The following KIAA1614 variants were observed in gnomAD, a reference collection of about 807,000 sequenced individuals.
KIAA1614 encodes the protein KIAA1614, also known as uncharacterized protein KIAA1614.
A neutral mutation model predicts 88.7 loss-of-function variants in KIAA1614; 76 were observed. The observed-to-expected ratio is 0.86, with a 90% CI of 0.71 to 1.04. The LOEUF is 1.04. Among genes scored for constraint, KIAA1614 ranks in the 50% least tolerant of loss-of-function variants. The pLI, the probability that KIAA1614 is intolerant of heterozygous loss-of-function variation, is 0.00. For synonymous variants in KIAA1614, 714 were observed against 675.5 expected, an observed-to-expected ratio of 1.06 and a Z score of -0.88; for missense variants, 1,553 against 1,582.5, an observed-to-expected ratio of 0.98 and a Z score of 0.32.
chr1:180,922,360 C>G (rs985355164), intron 3 of KIAA1614, among the ~76,000 whole-genome samples: 1 of 152,186 alleles, frequency 6.6e-6, no homozygotes, highest in Non-Finnish European at 1.5e-5. Flanking sequence ...TCCACAAGCC[C>G]AGTCCCTGGT....
chr1:180,935,141 A>G lies in KIAA1614; in HGVS notation c.1232A>G (p.Asp411Gly). 2 of 1,442,008 alleles carry G rather than the reference A, an allele frequency of 1.4e-6. No homozygotes were observed. The highest frequency in any genetic ancestry group is 1.6e-5 in the South Asian group (1 of 62,872). 89.3% of individuals were successfully genotyped at this position (1,442,008 alleles called of 1,614,324 possible). The change falls in exon 5 of 9, where the codon GAC becomes GGC. Residue 411 changes from aspartate to glycine, a missense_variant. Asp to Gly is a moderately conservative substitution (Grantham distance 94). Coordinates refer to ENST00000367588, the MANE Select transcript of KIAA1614 (RefSeq NM_020950.2). This position sits in a 1 kb window ranked among gnomAD's most constrained non-coding sequence, Gnocchi z 6.1. Reference protein sequence around the residue: ...SRDGHRSPARDPRTTPACRDS... With the variant: ...SRDGHRSPARGPRTTPACRDS... ...GATGGCCACAGAAGCCCAGCCCGGG[A>G]CCCCAGGACGACCCCTGCCTGCAGA...
rs1311898338 is a variant in KIAA1614, at chr1:180,944,486, C to G, written c.3257C>G (p.Ala1086Gly). 6.2e-7 allele frequency: 1 copy of G among 1,613,664 alleles called. No homozygotes were observed. Among genetic ancestry groups the G allele is most frequent in the Admixed American group, 1.7e-5 (1 of 59,988 alleles). The change falls in exon 8 of 9, where the codon GCA becomes GGA. Residue 1086 changes from alanine (A) to glycine (G), a missense_variant. Transcript: ENST00000367588. ...AACCGGTCCAGCCTCTACCTGGTAG[C>G]AGGGCCAGGGGACCACAGTGCAGCT... ...KGNRSSLYLV[A>G]GPGDHSAAGR...
At chr1:180,919,450 T>C (rs529636756) in intron 3 of KIAA1614, among the ~76,000 whole-genome samples, 1 of 152,220 alleles carries the variant, frequency 6.6e-6, no homozygotes, top group African/African-American at 2.4e-5. Flanking sequence ...TCTGCTCCCC[T>C]GTCTGCGCCC....
intron 8 of KIAA1614, 68 bp downstream of exon 8, chr1:180,944,584 C>G: frequency 1.3e-6 from 2 of 1,536,202 alleles, no homozygotes; most frequent in Non-Finnish European, 1.8e-6. Flanking sequence ...AAGCTTAACT[C>G]CTTCCTGCCT....
intron 6 of KIAA1614, among the ~76,000 whole-genome samples, chr1:180,938,988 C>T (rs1414084378): frequency 6.6e-6 from 1 of 152,240 alleles, no homozygotes; most frequent in Admixed American, 6.5e-5. Flanking sequence ...GAGCCCTAGC[C>T]CTGGGGAGGG....
At chr1:180,923,665 G>A (rs1654001992) in intron 3 of KIAA1614, among the ~76,000 whole-genome samples, 1 of 152,196 alleles carries the variant, frequency 6.6e-6, no homozygotes, top group African/African-American at 2.4e-5. Flanking sequence ...AGTGTGTGCA[G>A]GGAAAGGCTC....
chr1:180,941,006 G>GGGGCC, intron 6 of KIAA1614, 39 bp from the exon 7 acceptor site: 3 of 908,444 alleles, frequency 3.3e-6, no homozygotes, highest in Non-Finnish European at 3.1e-6. Context: ...CACCCTCCCG[G>GGGGCC]CCCTCCCCCG....
chr1:180,941,365 G>A, intron 7 of KIAA1614, 80 bp downstream of exon 7: 3 of 1,509,764 alleles, frequency 2.0e-6, no homozygotes, highest in South Asian at 2.6e-5. Context: ...AAAGGAGGGA[G>A]GAGGTGATGA....
Position 180,948,361 on chromosome 1 carries a change from C to T in KIAA1614, c.*2773C>T, listed in dbSNP as rs963256696. The T allele has an allele frequency of 2.0e-5, 3 of 152,266 alleles. No individual in the cohort carries two copies. The highest frequency in any genetic ancestry group is 7.2e-5 in the African/African-American group (3 of 41,472). 9.4% of individuals were successfully genotyped at this position (152,266 alleles called of 1,614,324 possible). A position where few individuals can be genotyped will look rare whatever the true frequency, so the allele number is the denominator to read the frequency against. ...ACTCTATATGAGCCTGTGAGAACAG[C>T]AGGCTTTGCCTTCTGCTTCTAATTG... On this transcript the variant is annotated 3_prime_UTR_variant, in exon 9 of 9. Coordinates refer to ENST00000367588, the MANE Select transcript of KIAA1614 (RefSeq NM_020950.2).
chr1:180,917,109 C>T lies in KIAA1614; in HGVS notation c.997+9C>T, dbSNP rs1324741904. Reference sequence around the variant, plus strand: ...GGACACAGCTGCACCAGGTGAAGCTCACTGTGTAGGTCCAGGTGGTGGGGG... The same window carrying T: ...GGACACAGCTGCACCAGGTGAAGCTTACTGTGTAGGTCCAGGTGGTGGGGG... On this transcript the variant is annotated intron_variant, in intron 2 of 8. Transcript: ENST00000367588. 6.2e-7 allele frequency: 1 copy of T among 1,605,950 alleles called. No homozygotes were observed. The highest frequency in any genetic ancestry group is 8.5e-7 in the Non-Finnish European group (1 of 1,174,592).
chr1:180,916,115 G>A (rs1653788105), intron 1 of KIAA1614, 39 bp from the exon 2 acceptor site: 2 of 1,496,518 alleles, frequency 1.3e-6, no homozygotes, highest in Non-Finnish European at 1.8e-6. Flanking sequence ...GGTTAGTCCT[G>A]TGCTGGGTCT....
chr1:180,917,896 A>G lies in KIAA1614; in HGVS notation c.1043A>G (p.Gln348Arg). Residue 348 changes from glutamine to arginine, a missense_variant, in exon 3 of 9, where the codon CAG becomes CGG. Physicochemically the swap from Gln to Arg is conservative, Grantham distance 43 (BLOSUM62 1). Coordinates refer to ENST00000367588, the MANE Select transcript of KIAA1614 (RefSeq NM_020950.2). ...DVDWASGTSL[Q>R]DSGQNRTVGP... ...GACTGGGCCTCGGGCACCTCCTTGC[A>G]GGACTCCGGCCAGAACAGGTAAGAG... 6.2e-7 allele frequency: 1 copy of G among 1,613,908 alleles called. No homozygotes were observed. The highest frequency in any genetic ancestry group is 8.5e-7 in the Non-Finnish European group (1 of 1,179,928).
chr1:180,922,427 G>A (rs1389173975), intron 3 of KIAA1614, among the ~76,000 whole-genome samples: 1 of 152,138 alleles, frequency 6.6e-6, no homozygotes, highest in Admixed American at 6.5e-5. Flanking sequence ...ACTTCACACA[G>A]GCGAGGGGAA....
rs1654575591 is a variant in KIAA1614 at position 180,945,651 on chromosome 1, G to C, written c.*63G>C. 6.7e-7 allele frequency: 1 copy of C among 1,503,342 alleles called. No homozygotes were observed. Among genetic ancestry groups the C allele is most frequent in the South Asian group, 1.3e-5 (1 of 77,014 alleles). 93.1% of individuals were successfully genotyped at this position (1,503,342 alleles called of 1,614,324 possible). Reference sequence around the variant, plus strand: ...CAGGACTAGGCTTCTCCCCTCAGGGGCTCTTTCTGAATTGTCCAGGGCTCT... The same window carrying C: ...CAGGACTAGGCTTCTCCCCTCAGGGCCTCTTTCTGAATTGTCCAGGGCTCT... On this transcript the variant is annotated 3_prime_UTR_variant, in exon 9 of 9. Coordinates refer to ENST00000367588, the MANE Select transcript of KIAA1614 (RefSeq NM_020950.2).
chr1:180,937,306 GACCAAGGGAAC>G (rs1331592312), intron 5 of KIAA1614, among the ~76,000 whole-genome samples: 1 of 152,242 alleles, frequency 6.6e-6, no homozygotes, highest in African/African-American at 2.4e-5. Flanking sequence ...AGGACCCTGT[GACCAAGGGAAC>G]AGGGCTCCTA....
At chr1:180,928,604 G>C in intron 4 of KIAA1614, 31 bp downstream of exon 4, 1 of 1,602,440 alleles carries the variant, frequency 6.2e-7, no homozygotes, top group Non-Finnish European at 8.5e-7. Context: ...GCTAGCCTGG[G>C]AGGGCCATAG....
chr1:180,928,294 G>A, intron 3 of KIAA1614, 136 bp from the exon 4 acceptor site: 1 of 1,094,242 alleles, frequency 9.1e-7, no homozygotes. Flanking sequence ...CTGTGCGTGG[G>A]TGCTAGAGGA....
In KIAA1614 at chr1:180,950,374, G is replaced by C; in HGVS notation, c.*4786G>C. 1 of 1,233,032 alleles carries C rather than the reference G, an allele frequency of 8.1e-7. No homozygotes were observed. Among genetic ancestry groups the C allele is most frequent in the Non-Finnish European group, 1.0e-6 (1 of 960,746 alleles). The allele number at this position is 1,233,032 out of a possible 1,614,324, so 76.4% of individuals were successfully genotyped here. A position where few individuals can be genotyped will look rare whatever the true frequency, so the allele number is the denominator to read the frequency against. On this transcript the variant is annotated 3_prime_UTR_variant, in exon 9 of 9. Coordinates refer to ENST00000367588, the MANE Select transcript of KIAA1614 (RefSeq NM_020950.2). ...TGCAGGAGATGGCTGACATGAGCATGGCCAAGCTGTACTCAGGGCTGCTGG... is the reference window on the plus strand; with the variant it reads ...TGCAGGAGATGGCTGACATGAGCATCGCCAAGCTGTACTCAGGGCTGCTGG...
At chr1:180,927,988 A>G (rs1039005446) in intron 3 of KIAA1614, among the ~76,000 whole-genome samples, 1 of 152,144 alleles carries the variant, frequency 6.6e-6, no homozygotes. Flanking sequence ...GTGCAGAGAG[A>G]CAGAAGGAGA....
Sources: allele counts gnomAD v4.1 joint callset (sites outside exome capture counted in the v4.1 genomes callset), GRCh38; gene constraint gnomAD v4.1.1; non-coding constraint Gnocchi (gnomAD v3.1); transcripts MANE v1.5; gene names NCBI Gene and HGNC (gene_info 2026-07-23, HGNC 2026-07-21).